The following UNC5C variants were observed in gnomAD, a reference collection of about 807,000 sequenced individuals.
UNC5C encodes the protein unc-5 netrin receptor C.
A neutral mutation model predicts 99.8 loss-of-function variants in UNC5C; 47 were observed. The ratio of observed to expected loss-of-function variants is 0.47; its 90% CI spans 0.37 to 0.60. The LOEUF (loss-of-function observed/expected upper bound fraction) is 0.60, where lower values mean the gene tolerates loss of function less well. Ranked by LOEUF, UNC5C falls within the 20% of genes least tolerant of loss-of-function variation. UNC5C has a pLI of 0.00. For missense variants in UNC5C, 1,062 were observed against 1,165.9 expected (o/e 0.91, Z 1.30); for synonymous variants, 487 against 452.2 (o/e 1.08, Z -0.98).
At chr4:95,333,193 C>A (rs1295296638) in intron 2 of UNC5C, among the ~76,000 whole-genome samples, 8 of 152,124 alleles carry the variant, frequency 5.3e-5, no homozygotes, top group Non-Finnish European at 1.5e-5. Flanking sequence ...ACTGGAAATA[C>A]CATTTGACCC....
At chr4:95,544,564 C>T (rs1393316087) in intron 1 of UNC5C, among the ~76,000 whole-genome samples, 2 of 152,194 alleles carry the variant, frequency 1.3e-5, no homozygotes, top group Admixed American at 6.5e-5. Context: ...GGTTCTACTT[C>T]TGTCTTCCTG....
At chr4:95,271,283 A>G (rs964865047) in intron 4 of UNC5C, among the ~76,000 whole-genome samples, 3 of 151,254 alleles carry the variant, frequency 2.0e-5, no homozygotes. Flanking sequence ...GCTGGAGTGC[A>G]GTGGCGCGAT....
At chr4:95,380,042 ATCT>A (rs1745019511) in intron 1 of UNC5C, among the ~76,000 whole-genome samples, 1 of 152,172 alleles carries the variant, frequency 6.6e-6, no homozygotes, top group African/African-American at 2.4e-5. Context: ...TTTCTGAAAC[ATCT>A]TCTTTAAGGT....
intron 7 of UNC5C, among the ~76,000 whole-genome samples, chr4:95,222,802 A>T (rs1446351591): frequency 6.6e-6 from 1 of 151,998 alleles, no homozygotes; most frequent in Admixed American, 6.6e-5. Flanking sequence ...TCTCAAATCT[A>T]CTTTTTGGAT....
chr4:95,516,922 G>A (rs1189310256), intron 1 of UNC5C, among the ~76,000 whole-genome samples: 1 of 152,044 alleles, frequency 6.6e-6, no homozygotes, highest in East Asian at 1.9e-4. Context: ...AGAGCACTAC[G>A]AAAAGGGAAC....
chr4:95,247,039 A>C (rs190643805), intron 5 of UNC5C, among the ~76,000 whole-genome samples: 6 of 136,456 alleles, frequency 4.4e-5, no homozygotes, highest in Admixed American at 3.7e-4. Flanking sequence ...ACCCTGTCTC[A>C]AATAAAAAAA....
chr4:95,336,423 C>T (rs1052095956), intron 1 of UNC5C, among the ~76,000 whole-genome samples: 5 of 151,710 alleles, frequency 3.3e-5, no homozygotes, highest in African/African-American at 1.2e-4. Flanking sequence ...GTTACAAATA[C>T]GTAATTGAAA....
At chr4:95,198,352 G>A in intron 12 of UNC5C, among the ~76,000 whole-genome samples, 1 of 152,138 alleles carries the variant, frequency 6.6e-6, no homozygotes, top group East Asian at 1.9e-4. Flanking sequence ...AGAGATGGAA[G>A]GTCAGATGGT....
chr4:95,471,174 A>C (rs551241707), intron 1 of UNC5C, among the ~76,000 whole-genome samples: 102 of 152,228 alleles, frequency 6.7e-4, no homozygotes, highest in African/African-American at 2.4e-3. Context: ...GAAGGCTGGA[A>C]TTAAAAGTAG....
At chr4:95,245,406 T>G (rs1739467427) in intron 5 of UNC5C, among the ~76,000 whole-genome samples, 1 of 152,174 alleles carries the variant, frequency 6.6e-6, no homozygotes, top group South Asian at 2.1e-4. Flanking sequence ...TCTCTTTTCT[T>G]TGGCCAGTGT....
At chr4:95,390,001 G>T (rs35019760) in intron 1 of UNC5C, among the ~76,000 whole-genome samples, 1 of 152,064 alleles carries the variant, frequency 6.6e-6, no homozygotes, top group Non-Finnish European at 1.5e-5. Context: ...ATGACTGTAA[G>T]TTCATTAATT....
intron 1 of UNC5C, among the ~76,000 whole-genome samples, chr4:95,444,393 C>T (rs984334350): frequency 7.4e-5 from 11 of 149,214 alleles, no homozygotes; most frequent in Admixed American, 6.7e-4. Flanking sequence ...TGCAGTGGTG[C>T]GATCTCCGCT....
chr4:95,184,890 G>C (rs1366995169), intron 13 of UNC5C, among the ~76,000 whole-genome samples, 157 bp downstream of exon 13: 1 of 152,178 alleles, frequency 6.6e-6, no homozygotes, highest in Middle Eastern at 3.2e-3. Context: ...AAATATGTCT[G>C]TGTTTCTCAA....
chr4:95,286,677 C>A (rs981765018), intron 3 of UNC5C, among the ~76,000 whole-genome samples: 1 of 152,078 alleles, frequency 6.6e-6, no homozygotes, highest in African/African-American at 2.4e-5. Context: ...TTTCTTGAAA[C>A]ATGACACCTA....
At chr4:95,464,403 T>G (rs1393482347) in intron 1 of UNC5C, among the ~76,000 whole-genome samples, 1 of 152,186 alleles carries the variant, frequency 6.6e-6, no homozygotes, top group Non-Finnish European at 1.5e-5. Context: ...ACAGCGTCAT[T>G]AAGAAGAGTC....
intron 2 of UNC5C, among the ~76,000 whole-genome samples, chr4:95,334,240 G>A (rs1227918802): frequency 1.3e-5 from 2 of 152,012 alleles, no homozygotes; most frequent in African/African-American, 4.8e-5. Context: ...GATCTTGAAA[G>A]TAGAAAGTAG....
Position 95,415,669 on chromosome 4 carries a change from T to C in UNC5C, c.125-80038A>G, listed in dbSNP as rs372441932. 2.0e-4 allele frequency among the ~76,000 whole-genome samples: 31 copies of C among 152,256 alleles called. No individual in the cohort carries two copies. The South Asian group carries it at 5.0e-3, about 24-fold the overall frequency. On this transcript the variant is annotated intron_variant, in intron 1 of 15. Transcript: ENST00000453304. ...AAGTTTGATTTTTAAAATAGGGTTA[T>C]TATATGCATCAGAACTCATTCCCAA...
At chr4:95,514,871 A>G (rs1378052678) in intron 1 of UNC5C, among the ~76,000 whole-genome samples, 3 of 151,446 alleles carry the variant, frequency 2.0e-5, no homozygotes, top group Non-Finnish European at 1.5e-5. Flanking sequence ...ACGGGGTTTC[A>G]CCATGTTGGC....
intron 1 of UNC5C, among the ~76,000 whole-genome samples, chr4:95,486,409 G>GGCATCTCTTCT (rs531615304): frequency 0.26 from 40,079 of 151,300 alleles, 6,472 homozygotes; most frequent in Non-Finnish European, 0.35. Context: ...AATCATTGCT[G>GGCATCTCTTCT]TGTTGATACT....
Sources: allele counts gnomAD v4.1 joint callset (sites outside exome capture counted in the v4.1 genomes callset), GRCh38; gene constraint gnomAD v4.1.1; transcripts MANE v1.5; gene names NCBI Gene and HGNC (gene_info 2026-07-23, HGNC 2026-07-21).